LRRC4C: variants seen among roughly 807,000 people sequenced by gnomAD.
LRRC4C encodes the protein leucine rich repeat containing 4C.
Under a neutral mutation model 33.6 loss-of-function variants are expected in LRRC4C, and 5 were observed. The observed-to-expected ratio is 0.15, with a 90% CI of 0.08 to 0.31. The LOEUF is 0.31. Among genes scored for constraint, LRRC4C ranks in the 10% least tolerant of loss-of-function variants. LRRC4C has a pLI of 1.00. For synonymous variants in LRRC4C, 329 were observed against 302.0 expected (o/e 1.09, Z -0.93); for missense variants, 560 against 796.7 (o/e 0.70, Z 3.58).
intron 1 of LRRC4C, among the ~76,000 whole-genome samples, chr11:41,001,381 A>C (rs973183024): frequency 9.9e-5 from 15 of 152,142 alleles, no homozygotes; most frequent in Non-Finnish European, 2.1e-4. Flanking sequence ...CTTTTGTGCA[A>C]TATCTTGTTC....
chr11:40,326,313 C>A (rs560021856), intron 3 of LRRC4C, among the ~76,000 whole-genome samples: 2 of 152,046 alleles, frequency 1.3e-5, no homozygotes, highest in East Asian at 3.9e-4. Context: ...CCTGTAATCC[C>A]AGCACTTTGG....
At chr11:40,691,915 T>A (rs1276082817) in intron 2 of LRRC4C, among the ~76,000 whole-genome samples, 1 of 152,090 alleles carries the variant, frequency 6.6e-6, no homozygotes. Flanking sequence ...CATTGGATTA[T>A]TTTTGTTTCA....
At chr11:40,154,323 G>A (rs1466121418) in intron 5 of LRRC4C, among the ~76,000 whole-genome samples, 2 of 146,662 alleles carry the variant, frequency 1.4e-5, no homozygotes, top group East Asian at 2.0e-4. Context: ...AAGTACACAG[G>A]CAACAAAGAA....
intron 3 of LRRC4C, among the ~76,000 whole-genome samples, chr11:40,464,530 T>A (rs2138219531): frequency 6.6e-6 from 1 of 152,028 alleles, no homozygotes; most frequent in South Asian, 2.1e-4. Context: ...AAGAGGAAGT[T>A]GAATTATCCT....
At chr11:40,949,591 C>A (rs1013537457) in intron 1 of LRRC4C, among the ~76,000 whole-genome samples, 9 of 151,928 alleles carry the variant, frequency 5.9e-5, no homozygotes, top group African/African-American at 1.7e-4. Context: ...AATTTTCAAC[C>A]CAGAATTTCA....
intron 2 of LRRC4C, among the ~76,000 whole-genome samples, chr11:40,797,638 TA>T (rs982979224): frequency 6.6e-6 from 1 of 152,152 alleles, no homozygotes; most frequent in African/African-American, 2.4e-5. Flanking sequence ...AAAGGGGGAA[TA>T]AAAGGATCAA....
At chr11:40,329,141 T>C (rs964213631) in intron 3 of LRRC4C, among the ~76,000 whole-genome samples, 2 of 152,324 alleles carry the variant, frequency 1.3e-5, no homozygotes, top group African/African-American at 2.4e-5. Context: ...CTGTGCTCCA[T>C]ACACTCTCAT....
At chr11:40,214,624 C>T (rs1273902366) in intron 5 of LRRC4C, among the ~76,000 whole-genome samples, 1 of 152,130 alleles carries the variant, frequency 6.6e-6, no homozygotes, top group Non-Finnish European at 1.5e-5. Context: ...AGAGCTCACT[C>T]TCTCCCTGCT....
chr11:41,254,635 A>C (rs955921616), intron 1 of LRRC4C, among the ~76,000 whole-genome samples: 1 of 151,896 alleles, frequency 6.6e-6, no homozygotes, highest in Non-Finnish European at 1.5e-5. Context: ...GACTCTCTTT[A>C]CTCCAAGACC....
intron 1 of LRRC4C, among the ~76,000 whole-genome samples, chr11:41,387,598 T>C (rs926109813): frequency 6.6e-6 from 1 of 151,834 alleles, no homozygotes; most frequent in South Asian, 2.1e-4. Context: ...TTTGTTCTTA[T>C]GGAATATAGG....
chr11:40,943,015 A>G (rs1592148033), intron 1 of LRRC4C, among the ~76,000 whole-genome samples: 1 of 152,334 alleles, frequency 6.6e-6, no homozygotes, highest in African/African-American at 2.4e-5. Flanking sequence ...GAAAGCAGAC[A>G]TAAACCTACT....
intron 1 of LRRC4C, among the ~76,000 whole-genome samples, chr11:41,049,767 C>T (rs1858064072): frequency 6.6e-6 from 1 of 152,122 alleles, no homozygotes; most frequent in Non-Finnish European, 1.5e-5. Flanking sequence ...GGGTTGTATT[C>T]CAGAAACTAT....
chr11:40,562,946 C>CT (rs567360534), intron 3 of LRRC4C, among the ~76,000 whole-genome samples: 95 of 140,430 alleles, frequency 6.8e-4, no homozygotes, highest in South Asian at 4.1e-3. Flanking sequence ...TTTTTTTTTT[C>CT]TTTTTTTTTT....
chr11:40,373,960 A>G (rs2137282829), intron 3 of LRRC4C, among the ~76,000 whole-genome samples: 1 of 152,322 alleles, frequency 6.6e-6, no homozygotes, highest in African/African-American at 2.4e-5. Flanking sequence ...TCTTTATGAC[A>G]ATGCAAAATG....
At chr11:40,225,117 C>G (rs983688840) in intron 5 of LRRC4C, among the ~76,000 whole-genome samples, 1 of 152,140 alleles carries the variant, frequency 6.6e-6, no homozygotes, top group African/African-American at 2.4e-5. Flanking sequence ...ATTATCTAGA[C>G]AGTTGAAGCC....
intron 1 of LRRC4C, among the ~76,000 whole-genome samples, chr11:41,385,894 A>G (rs1298992455): frequency 6.6e-6 from 1 of 151,610 alleles, no homozygotes; most frequent in Non-Finnish European, 1.5e-5. Flanking sequence ...AATCCTTTTA[A>G]GTTACAGTAG....
intron 4 of LRRC4C, among the ~76,000 whole-genome samples, chr11:40,255,102 TA>T (rs1433475024): frequency 6.6e-6 from 1 of 152,098 alleles, no homozygotes; most frequent in East Asian, 1.9e-4. Context: ...CACCCGGCCC[TA>T]AAAATGAGTA....
chr11:40,643,422 T>A (rs146703463), intron 3 of LRRC4C, among the ~76,000 whole-genome samples: 2 of 152,138 alleles, frequency 1.3e-5, no homozygotes, highest in Admixed American at 6.5e-5. Flanking sequence ...TCAAAGAAGA[T>A]CACACAGAAG....
At position 41,061,709 on chromosome 11, in the gene LRRC4C, G is replaced by C. The variant is rs535373833; in HGVS notation, c.-495-127986C>G. Among the ~76,000 whole-genome samples the C allele has an allele frequency of 6.6e-5, 10 of 152,324 alleles. No individual in the cohort carries two copies. The East Asian group carries it at 1.9e-3, about 29-fold the overall frequency. ...GAAATGCAACATGGCACTGACTTTGGAAGGTATACTATCATGGGCAGCACA... is the reference window on the plus strand; with the variant it reads ...GAAATGCAACATGGCACTGACTTTGCAAGGTATACTATCATGGGCAGCACA... On this transcript the variant is annotated intron_variant, in intron 1 of 6. Coordinates refer to ENST00000528697, the MANE Select transcript of LRRC4C (RefSeq NM_001258419.2).
Sources: gnomAD v4.1 joint callset for allele counts (sites outside exome capture counted in the v4.1 genomes callset) on GRCh38, gnomAD v4.1.1 for gene constraint, MANE v1.5 for transcripts, NCBI Gene and HGNC (gene_info 2026-07-23, HGNC 2026-07-21) for gene names.